PDZD9: variants seen among roughly 807,000 people sequenced by gnomAD.
PDZD9 encodes PDZ domain-containing protein 9.
In PDZD9, 13 loss-of-function variants were observed where a neutral mutation model predicts 16.3. The observed-to-expected ratio is 0.80, with a 90% CI of 0.52 to 1.27. The LOEUF is 1.27. Ranked by LOEUF, PDZD9 falls within the 50% of genes most tolerant of loss-of-function variation. PDZD9 has a pLI of 0.00. For missense variants in PDZD9, 288 were observed against 310.9 expected, an observed-to-expected ratio of 0.93 and a Z score of 0.55; for synonymous variants, 120 against 111.0, an observed-to-expected ratio of 1.08 and a Z score of -0.51.
chr16:21,958,471 A>G, the PDZD9 span: 9 of 1,378,834 alleles, frequency 6.5e-6, no homozygotes, highest in Non-Finnish European at 9.3e-6. Context: ...ATTTTGATAT[A>G]GTGTGATGTT....
chr16:21,960,949 G>T, the PDZD9 span, among the ~76,000 whole-genome samples: 1 of 151,940 alleles, frequency 6.6e-6, no homozygotes, highest in Non-Finnish European at 1.5e-5. Flanking sequence ...TTCTCCCTCC[G>T]CTTCCCAAGT....
the PDZD9 span, chr16:21,958,494 C>T: frequency 6.3e-7 from 1 of 1,582,802 alleles, no homozygotes; most frequent in Non-Finnish European, 8.7e-7. Context: ...GCAAACTTGG[C>T]ATTGAAAAGC....
At chr16:21,961,014 C>A in the PDZD9 span, among the ~76,000 whole-genome samples, 2 of 151,962 alleles carry the variant, frequency 1.3e-5, no homozygotes, top group African/African-American at 4.8e-5. Flanking sequence ...ATTTTTTGTA[C>A]AAATGGAGGT....
At chr16:21,971,092 GCTAA>G in the PDZD9 span, among the ~76,000 whole-genome samples, 1 of 152,104 alleles carries the variant, frequency 6.6e-6, no homozygotes, top group Non-Finnish European at 1.5e-5. Context: ...TGTTTTAAGA[GCTAA>G]CTATTAGAAA....
downstream of PDZD9, chr16:21,980,801 T>C (rs2965803): frequency 1 from 1,383,569 of 1,384,476 alleles, 691,353 homozygotes; most frequent in Middle Eastern, 1. Context: ...GTATTATTCT[T>C]ATGTTTGGTG....
chr16:21,976,613 A>C, the PDZD9 span: 3 of 178,940 alleles, frequency 1.7e-5, no homozygotes, highest in African/African-American at 7.1e-5. Context: ...GTATATATAG[A>C]TGCTGCTTGA....
chr16:21,995,387 A>C (rs1021856791), intron 2 of PDZD9: 8 of 395,096 alleles, frequency 2.0e-5, no homozygotes, highest in Non-Finnish European at 3.0e-5. Flanking sequence ...CAGTGCAAGA[A>C]CGGACTAATA....
intron 3 of PDZD9, among the ~76,000 whole-genome samples, chr16:21,986,246 C>T (rs1898874262): frequency 6.6e-6 from 1 of 152,186 alleles, no homozygotes; most frequent in Non-Finnish European, 1.5e-5. Context: ...ACATAAGTTA[C>T]TAAAATGCCT....
chr16:21,971,140 A>C, the PDZD9 span, among the ~76,000 whole-genome samples: 2 of 152,202 alleles, frequency 1.3e-5, no homozygotes, highest in Non-Finnish European at 2.9e-5. Flanking sequence ...GATTGATCAA[A>C]TAAATGGTGG....
intron 1 of PDZD9, among the ~76,000 whole-genome samples, 187 bp from the exon 2 acceptor site, chr16:21,996,688 A>G (rs1899160043): frequency 6.6e-6 from 1 of 152,216 alleles, no homozygotes; most frequent in Non-Finnish European, 1.5e-5. Flanking sequence ...TGGGTGCATT[A>G]AAGGGCTTTT....
chr16:21,957,659 A>C, the PDZD9 span: 4 of 1,490,026 alleles, frequency 2.7e-6, no homozygotes, highest in South Asian at 1.3e-5. Context: ...TTATATTTTG[A>C]TTCCTTGACC....
intron 3 of PDZD9, among the ~76,000 whole-genome samples, chr16:21,985,604 C>CA (rs1407075687): frequency 6.6e-6 from 1 of 152,202 alleles, no homozygotes; most frequent in East Asian, 1.9e-4. Context: ...AATGCTCTGT[C>CA]ACCTGCTTTC....
the PDZD9 span, chr16:21,976,062 G>C: frequency 4.2e-6 from 3 of 720,572 alleles, no homozygotes; most frequent in Non-Finnish European, 7.3e-6. Context: ...TGTTTGTCTG[G>C]AACTAACCTT....
intron 2 of PDZD9, among the ~76,000 whole-genome samples, chr16:21,993,035 T>TTCC (rs1204224862): frequency 6.6e-6 from 1 of 152,114 alleles, no homozygotes. Flanking sequence ...AAATGCCTGA[T>TTCC]TCCTCTTCCA....
At chr16:21,988,254 C>T (rs1424130843) in intron 3 of PDZD9, among the ~76,000 whole-genome samples, 1 of 151,850 alleles carries the variant, frequency 6.6e-6, no homozygotes, top group Non-Finnish European at 1.5e-5. Context: ...ATGATCCACC[C>T]GCCTCAGCCT....
At chr16:21,966,539 A>G in the PDZD9 span, among the ~76,000 whole-genome samples, 1 of 152,210 alleles carries the variant, frequency 6.6e-6, no homozygotes, top group African/African-American at 2.4e-5. Flanking sequence ...ATCTGACTCA[A>G]AAATTCAAGG....
chr16:21,970,518 T>A, the PDZD9 span, among the ~76,000 whole-genome samples: 1 of 152,238 alleles, frequency 6.6e-6, no homozygotes, highest in South Asian at 2.1e-4. Context: ...TTTTGATTTG[T>A]ATTTCCCTAA....
the PDZD9 span, chr16:21,971,905 T>G: frequency 1.2e-6 from 2 of 1,613,168 alleles, no homozygotes; most frequent in Non-Finnish European, 1.7e-6. Context: ...CTTCCCTCTA[T>G]CCTTAATCTG....
downstream of PDZD9, chr16:21,980,744 C>A (rs373906900): frequency 3.8e-4 from 602 of 1,601,888 alleles, 6 homozygotes; most frequent in Middle Eastern, 6.4e-3. Flanking sequence ...GAGAACTTAA[C>A]CTTAATGATC....
Sources: gnomAD v4.1 joint callset for allele counts (sites outside exome capture counted in the v4.1 genomes callset) on GRCh38, gnomAD v4.1.1 for gene constraint, MANE v1.5 for transcripts, NCBI Gene and HGNC (gene_info 2026-07-23, HGNC 2026-07-21) for gene names.